SGCG: variants seen among roughly 807,000 people sequenced by gnomAD.
SGCG encodes gamma-sarcoglycan.
Under a neutral mutation model 29.3 loss-of-function variants are expected in SGCG, and 26 were observed. The observed-to-expected ratio is 0.89, with a 90% CI of 0.65 to 1.23. SGCG has a LOEUF of 1.23. SGCG is among the 50% of genes most tolerant of loss of function. The pLI, the probability that SGCG is intolerant of heterozygous loss-of-function variation, is 0.00. For synonymous variants in SGCG, 145 were observed against 129.7 expected, an observed-to-expected ratio of 1.12 and a Z score of -0.80; for missense variants, 353 against 356.0, an observed-to-expected ratio of 0.99 and a Z score of 0.07.
chr13:23,277,939 C>A (rs1438671751), intron 4 of SGCG, among the ~76,000 whole-genome samples: 1 of 151,922 alleles, frequency 6.6e-6, no homozygotes, highest in Non-Finnish European at 1.5e-5. Flanking sequence ...ACCTCATGAT[C>A]CGCCTGCCTC....
At chr13:23,291,746 T>C (rs1011993829) in intron 5 of SGCG, among the ~76,000 whole-genome samples, 1 of 152,218 alleles carries the variant, frequency 6.6e-6, no homozygotes, top group African/African-American at 2.4e-5. Context: ...ATTTAAAAAC[T>C]AATTACTGAG....
At chr13:23,318,963 C>G (rs974249196) in intron 6 of SGCG, among the ~76,000 whole-genome samples, 2 of 152,200 alleles carry the variant, frequency 1.3e-5, no homozygotes, top group Non-Finnish European at 2.9e-5. Flanking sequence ...CTTCCTTCCA[C>G]TCCTCCACGC....
chr13:23,299,442 A>ATTTTTTT (rs1566037491), intron 6 of SGCG, among the ~76,000 whole-genome samples: 1 of 5,294 alleles, frequency 1.9e-4, no homozygotes, highest in African/African-American at 6.1e-4. Context: ...ATATATATAT[A>ATTTTTTT]TATATATATA....
intron 1 of SGCG, among the ~76,000 whole-genome samples, chr13:23,190,841 G>C (rs963156982): frequency 6.6e-6 from 1 of 152,080 alleles, no homozygotes; most frequent in Non-Finnish European, 1.5e-5. Context: ...TTATATCACT[G>C]ACGATATTAG....
At chr13:23,279,267 G>T in intron 4 of SGCG, 92 bp from the exon 5 acceptor site, 2 of 1,176,166 alleles carry the variant, frequency 1.7e-6, no homozygotes, top group Non-Finnish European at 2.5e-6. Flanking sequence ...TTAGATACTT[G>T]GTATTGTAGG....
intron 6 of SGCG, among the ~76,000 whole-genome samples, chr13:23,316,114 G>A (rs55955328): frequency 0.19 from 28,941 of 152,148 alleles, 3,341 homozygotes; most frequent in Non-Finnish European, 0.25. Flanking sequence ...TGAGTACCCA[G>A]TTTGCCAGTA....
upstream of SGCG, among the ~76,000 whole-genome samples, chr13:23,179,167 A>T (rs887889478): frequency 6.6e-6 from 1 of 152,240 alleles, no homozygotes; most frequent in Admixed American, 6.5e-5. Flanking sequence ...AAGTATTATG[A>T]TTCCTTTGAG....
chr13:23,219,955 C>A (rs548901334), intron 2 of SGCG, among the ~76,000 whole-genome samples: 6 of 151,460 alleles, frequency 4.0e-5, no homozygotes, highest in African/African-American at 1.2e-4. Flanking sequence ...CCTGCCTCAG[C>A]CTCCCAAGTA....
At chr13:23,234,323 T>A (rs1261649545) in intron 2 of SGCG, among the ~76,000 whole-genome samples, 1 of 152,104 alleles carries the variant, frequency 6.6e-6, no homozygotes, top group African/African-American at 2.4e-5. Flanking sequence ...TAATTTAATT[T>A]TTTTTAAAAA....
At chr13:23,258,362 G>A (rs1331382110) in intron 4 of SGCG, among the ~76,000 whole-genome samples, 1 of 152,090 alleles carries the variant, frequency 6.6e-6, no homozygotes, top group Non-Finnish European at 1.5e-5. Context: ...TGTTATTGGT[G>A]TATAGGGATG....
chr13:23,234,141 G>T (rs75275997), intron 2 of SGCG, among the ~76,000 whole-genome samples: 2,646 of 152,226 alleles, frequency 0.017, 66 homozygotes, highest in African/African-American at 0.061. Flanking sequence ...CACTTAAGAA[G>T]TGTTCAATAA....
At chr13:23,241,293 G>C (rs1269566409) in intron 3 of SGCG, among the ~76,000 whole-genome samples, 1 of 151,904 alleles carries the variant, frequency 6.6e-6, no homozygotes, top group East Asian at 1.9e-4. Context: ...CATCATAATG[G>C]ATACCACAGA....
chr13:23,320,912 A>G, intron 7 of SGCG, 152 bp downstream of exon 7: 1 of 828,538 alleles, frequency 1.2e-6, no homozygotes, highest in Admixed American at 2.1e-5. Flanking sequence ...AAAGCAAAAG[A>G]CAATTTAGCA....
chr13:23,319,464 CTT>C (rs1229658797), intron 6 of SGCG, among the ~76,000 whole-genome samples: 2 of 152,152 alleles, frequency 1.3e-5, no homozygotes, highest in Non-Finnish European at 2.9e-5. Flanking sequence ...GCAGGTCAAA[CTT>C]CACATGCTCA....
intron 2 of SGCG, among the ~76,000 whole-genome samples, chr13:23,220,449 AAAAT>A (rs1878615328): frequency 6.6e-6 from 1 of 152,192 alleles, no homozygotes; most frequent in Non-Finnish European, 1.5e-5. Context: ...ACTCCATCCC[AAAAT>A]AAATAAGTAA....
intron 7 of SGCG, among the ~76,000 whole-genome samples, chr13:23,322,099 TATGA>T (rs780628603): frequency 3.3e-5 from 5 of 152,338 alleles, no homozygotes; most frequent in Non-Finnish European, 7.3e-5. Flanking sequence ...TTTTCATATG[TATGA>T]ATGTGCTCAA....
intron 3 of SGCG, among the ~76,000 whole-genome samples, chr13:23,242,874 A>G (rs1879560748): frequency 6.6e-6 from 1 of 152,102 alleles, no homozygotes; most frequent in Admixed American, 6.5e-5. Context: ...AAGTCAAAAA[A>G]CAAAAACAAA....
intron 4 of SGCG, among the ~76,000 whole-genome samples, chr13:23,266,290 A>G (rs1290544736): frequency 1.4e-5 from 2 of 138,160 alleles, no homozygotes; most frequent in African/African-American, 5.0e-5. Flanking sequence ...AAAAAGTGCT[A>G]TATCACATAT....
At chr13:23,161,029 A>C in the SGCG span, among the ~76,000 whole-genome samples, 129 of 152,296 alleles carry the variant, frequency 8.5e-4, no homozygotes, top group Middle Eastern at 3.4e-3. Flanking sequence ...ATTTTGCCAA[A>C]AACTTTGCCC....
Sources: allele counts gnomAD v4.1 joint callset (sites outside exome capture counted in the v4.1 genomes callset), GRCh38; gene constraint gnomAD v4.1.1; transcripts MANE v1.5; gene names NCBI Gene and HGNC (gene_info 2026-07-23, HGNC 2026-07-21).